Variants in TEX35 observed in about 807,000 individuals in gnomAD.
The protein encoded by TEX35 is testis-expressed protein 35.
A neutral mutation model predicts 31.9 loss-of-function variants in TEX35; 26 were observed. That is an observed-to-expected ratio of 0.81 (90% CI 0.60 to 1.13). The LOEUF (loss-of-function observed/expected upper bound fraction) is 1.13, where lower values mean the gene tolerates loss of function less well. TEX35 is among the 50% of genes most tolerant of loss of function. The pLI is 0.00. For missense variants in TEX35, 278 were observed against 273.5 expected, an observed-to-expected ratio of 1.02 and a Z score of -0.12; for synonymous variants, 87 against 90.7, an observed-to-expected ratio of 0.96 and a Z score of 0.23.
At chr1:178,523,431 C>T (rs143937563), downstream of TEX35, 161 of 472,956 alleles carry the variant, frequency 3.4e-4, 1 homozygote, top group African/African-American at 2.9e-3. Flanking sequence ...TACAAAGATT[C>T]CCTTTTCTCC....
At chr1:178,522,020 C>T in intron 8 of TEX35, 1 of 695,404 alleles carries the variant, frequency 1.4e-6, no homozygotes, top group Non-Finnish European at 2.3e-6. Flanking sequence ...CAGGTCATAG[C>T]ATGGGGAGGG....
At chr1:178,516,103 A>C (rs892811946) in intron 4 of TEX35, among the ~76,000 whole-genome samples, 188 bp downstream of exon 4, 31 of 152,184 alleles carry the variant, frequency 2.0e-4, no homozygotes, top group African/African-American at 6.8e-4. Flanking sequence ...CCAATTTTTG[A>C]GTGACTGAGG....
At chr1:178,523,302 G>A (rs764820576), downstream of TEX35, 13 of 701,644 alleles carry the variant, frequency 1.9e-5, no homozygotes, top group South Asian at 1.9e-4. Flanking sequence ...TTTCTTGTAG[G>A]TATATACGCT....
In TEX35 at chr1:178,520,771, G is replaced by C. The variant is rs771614151; in HGVS notation, c.440G>C (p.Ser147Thr). ...AGGCCCAAGAAAATGGATGGAGCCA[G>C]TGGAGTCAATGGAGCACCCTGTGCT... ...QLRPKKMDGA[S>T]GVNGAPCALH... Residue 147 changes from serine (S) to threonine (T), a missense_variant, in exon 7 of 9, where the codon AGT (serine) becomes ACT (threonine). Transcript: ENST00000319416. The C allele has an allele frequency of 6.2e-7, 1 of 1,614,184 alleles. No individual in the cohort carries two copies. The highest frequency in any genetic ancestry group is 1.7e-5 in the Admixed American group (1 of 60,032).
chr1:178,522,223 A>G (rs1320569984), intron 8 of TEX35, 102 bp from the exon 9 acceptor site: 18 of 1,416,132 alleles, frequency 1.3e-5, no homozygotes, highest in Non-Finnish European at 1.6e-5. Flanking sequence ...AGCAGGACTC[A>G]GGTCCCTGCT....
At chr1:178,515,270 G>C (rs1650034749) in intron 3 of TEX35, among the ~76,000 whole-genome samples, 1 of 152,084 alleles carries the variant, frequency 6.6e-6, no homozygotes, top group South Asian at 2.1e-4. Flanking sequence ...ACCATGCCCA[G>C]CTAATTTTTG....
At chr1:178,520,519 G>T (rs746938788) in intron 6 of TEX35, 83 bp downstream of exon 6, 2 of 1,611,504 alleles carry the variant, frequency 1.2e-6, no homozygotes, top group African/African-American at 2.7e-5. Flanking sequence ...GGGTTCAGAG[G>T]ACACCCAGAC....
intron 3 of TEX35, among the ~76,000 whole-genome samples, 189 bp from the exon 4 acceptor site, chr1:178,515,670 G>A (rs541084431): frequency 1.3e-5 from 2 of 152,300 alleles, no homozygotes; most frequent in South Asian, 2.1e-4. Flanking sequence ...GCCTCCCAAA[G>A]TGCTGGGATT....
intron 1 of TEX35, 87 bp downstream of exon 1, chr1:178,513,314 T>G (rs1475111663): frequency 2.0e-6 from 3 of 1,514,656 alleles, no homozygotes; most frequent in East Asian, 4.6e-5. Flanking sequence ...ATACAGAGAA[T>G]GCTCGCATGA....
chr1:178,522,192 C>T lies in TEX35; in HGVS notation c.587-133C>T, dbSNP rs1650311359. 3 of 1,245,352 alleles carry T rather than the reference C, an allele frequency of 2.4e-6. 1 individual carries two copies. In the South Asian group the frequency reaches 5.0e-5, roughly 21 times the overall value. 77.1% of individuals were successfully genotyped at this position (1,245,352 alleles called of 1,614,324 possible). On this transcript the variant is annotated intron_variant, in intron 8 of 8. Transcript: ENST00000319416. ...GCCTCGAGTTCTGCCTGCACCACAC[C>T]CCTCTGAGGTCTTGTCACCAAGCAG...
intron 5 of TEX35, among the ~76,000 whole-genome samples, chr1:178,517,327 G>A (rs1650114610): frequency 6.6e-6 from 1 of 152,194 alleles, no homozygotes; most frequent in Admixed American, 6.5e-5. Flanking sequence ...GGGATGTAAT[G>A]AGAATCAGTT....
chr1:178,516,269 C>T (rs1219876419), intron 4 of TEX35, among the ~76,000 whole-genome samples: 1 of 152,212 alleles, frequency 6.6e-6, no homozygotes, highest in Non-Finnish European at 1.5e-5. Context: ...AAGCAGGAAA[C>T]CTCTCATTTC....
In TEX35 at chr1:178,514,057, T is replaced by A; in HGVS notation, c.70T>A (p.Leu24Met). The change falls in exon 2 of 9, where the codon TTG becomes ATG. Residue 24 changes from leucine to methionine, a missense_variant. Transcript: ENST00000319416. ...SKNYKAVCLE[L>M]KPEPTKTFDY... Reference sequence around the variant, plus strand: ...GAACTACAAGGCAGTTTGCCTGGAATTGAAGCCAGAGCCGACCAAAGTAAG... The same window carrying A: ...GAACTACAAGGCAGTTTGCCTGGAAATGAAGCCAGAGCCGACCAAAGTAAG... 6.2e-7 allele frequency: 1 copy of A among 1,614,206 alleles called. No individual in the cohort carries two copies. Among genetic ancestry groups the A allele is most frequent in the Non-Finnish European group, 8.5e-7 (1 of 1,180,044 alleles).
In TEX35 at chr1:178,522,448, C is replaced by T. The variant is rs887178664; in HGVS notation, c.*8C>T. 6.3e-7 allele frequency: 1 copy of T among 1,583,652 alleles called. No homozygotes were observed. The highest frequency in any genetic ancestry group is 1.3e-5 in the African/African-American group (1 of 74,564). On this transcript the variant is annotated 3_prime_UTR_variant, in exon 9 of 9. Coordinates refer to ENST00000319416, the MANE Select transcript of TEX35 (RefSeq NM_032126.5). ...CAGACTGAGGGAAGGTGAAGCTTAA[C>T]TGCCAGCTTGAAATGAGAGTAAAGA...
intron 4 of TEX35, 56 bp downstream of exon 4, chr1:178,515,971 G>T: frequency 7.2e-7 from 1 of 1,397,534 alleles, no homozygotes; most frequent in Middle Eastern, 1.8e-4. Context: ...CAGGAAAAAT[G>T]CAATCCTTAA....
In TEX35 at chr1:178,520,367, C is replaced by A; in HGVS notation, c.277-5C>A. 1 of 1,612,742 alleles carries A rather than the reference C, an allele frequency of 6.2e-7. No individual in the cohort carries two copies. The highest frequency in any genetic ancestry group is 8.5e-7 in the Non-Finnish European group (1 of 1,179,510). On this transcript the variant is annotated splice_polypyrimidine_tract_variant and splice_region_variant and intron_variant, in intron 5 of 8. Coordinates refer to ENST00000319416, the MANE Select transcript of TEX35 (RefSeq NM_032126.5). ...AAGATGCTAGTTCTGAATTCTCTCT[C>A]GAAGGAAATGCAGAAAGATATGGAT...
In TEX35 at chr1:178,522,325, G is replaced by T; in HGVS notation, c.587G>T (p.Gly196Val). ...CCTCTCCCTCCCTCCACCCCCAAAG[G>T]GAACATTCCTTCAGAGGCCTCAGGC... ...LCALKNNYNR[G>V]NIPSEASGLY... Residue 196 changes from glycine (G) to valine (V), a missense_variant and splice_region_variant, in exon 9 of 9, where the codon GGG (glycine) becomes GTG (valine). By Grantham distance (109) the Gly-to-Val change is moderately radical. Coordinates refer to ENST00000319416, the MANE Select transcript of TEX35 (RefSeq NM_032126.5). The T allele has an allele frequency of 1.9e-6, 3 of 1,593,516 alleles. No homozygotes were observed. The highest frequency in any genetic ancestry group is 2.6e-6 in the Non-Finnish European group (3 of 1,168,618).
rs777044010 is a variant in TEX35 at position 178,521,435 on chromosome 1, C to G, written c.586+171C>G. The G allele has an allele frequency of 4.4e-4, 451 of 1,025,868 alleles. 4 individuals carry two copies. Among genetic ancestry groups the G allele is most frequent in the Non-Finnish European group, 8.0e-5 (53 of 659,812 alleles). 63.5% of individuals were successfully genotyped at this position (1,025,868 alleles called of 1,614,324 possible). On this transcript the variant is annotated intron_variant, in intron 8 of 8. Transcript: ENST00000319416. Reference sequence around the variant, plus strand: ...TGCTCAGTCATACAGGATGTGGCACCAGGAAGGAGGACTTGGGTCACCCAG... The same window carrying G: ...TGCTCAGTCATACAGGATGTGGCACGAGGAAGGAGGACTTGGGTCACCCAG...
At chr1:178,520,300 C>A in intron 5 of TEX35, 72 bp from the exon 6 acceptor site, 1 of 1,470,208 alleles carries the variant, frequency 6.8e-7, no homozygotes, top group Non-Finnish European at 9.4e-7. Context: ...GAATGGTTTG[C>A]AGAGAGGCAG....
Sources: allele counts gnomAD v4.1 joint callset (sites outside exome capture counted in the v4.1 genomes callset), GRCh38; gene constraint gnomAD v4.1.1; transcripts MANE v1.5; gene names NCBI Gene and HGNC (gene_info 2026-07-23, HGNC 2026-07-21).